The following CIDEC variants were observed in gnomAD, a reference collection of about 807,000 sequenced individuals.
CIDEC encodes the protein cell death inducing DFFA like effector c.
CIDEC carries 11 observed loss-of-function variants against 21.9 expected under a neutral mutation model. That is an observed-to-expected ratio of 0.50 (90% CI 0.32 to 0.83). The LOEUF (loss-of-function observed/expected upper bound fraction) is 0.83. CIDEC is among the 40% of genes least tolerant of loss of function. The pLI, the probability that CIDEC is intolerant of heterozygous loss-of-function variation, is 0.04. For synonymous variants in CIDEC, 127 were observed against 124.9 expected, an observed-to-expected ratio of 1.02 and a Z score of -0.11; for missense variants, 302 against 302.3, an observed-to-expected ratio of 1.00 and a Z score of 0.01.
chr3:9,869,069 T>A (rs1310654772), intron 6 of CIDEC, among the ~76,000 whole-genome samples: 1 of 152,046 alleles, frequency 6.6e-6, no homozygotes, highest in African/African-American at 2.4e-5. Context: ...GCTCAACAGA[T>A]CCTCCTGCCT....
chr3:9,867,113 A>G lies in CIDEC; in HGVS notation c.*21T>C, dbSNP rs749713681. ...CCCCAGTCAGTCCTTCACTGGGGAA[A>G]GCTTCCAAGGACTTGGGCTTTCACT... is the stretch of plus-strand genomic sequence containing the variant. On this transcript the variant is annotated 3_prime_UTR_variant, in exon 7 of 7. Transcript: ENST00000336832. 2.5e-6 allele frequency: 4 copies of G among 1,612,502 alleles called. No homozygotes were observed. The highest frequency in any genetic ancestry group is 1.7e-6 in the Non-Finnish European group (2 of 1,179,938).
At chr3:9,875,055 C>T (rs771324113) in intron 4 of CIDEC, among the ~76,000 whole-genome samples, 4 of 151,976 alleles carry the variant, frequency 2.6e-5, no homozygotes, top group Admixed American at 1.3e-4. Context: ...TTATCATATT[C>T]CTGCCAAAGA....
chr3:9,870,629 T>C (rs1023318272), intron 4 of CIDEC, among the ~76,000 whole-genome samples: 1 of 152,192 alleles, frequency 6.6e-6, no homozygotes, highest in African/African-American at 2.4e-5. Flanking sequence ...CACTACCTAA[T>C]AGTGCAGTGA....
intron 4 of CIDEC, among the ~76,000 whole-genome samples, chr3:9,871,173 A>AT (rs59917579): frequency 0.03 from 3,598 of 120,134 alleles, 206 homozygotes; most frequent in African/African-American, 0.095. Flanking sequence ...TCTATGTTTA[A>AT]TTTTTTTTTT....
chr3:9,878,006 CAAAGG>C, intron 3 of CIDEC: 1 of 186,366 alleles, frequency 5.4e-6, no homozygotes, highest in Non-Finnish European at 1.1e-5. Context: ...AATTTAGAAC[CAAAGG>C]AAAGGAAAGG....
Position 9,870,448 on chromosome 3 carries a change from T to C in CIDEC, c.208-126A>G, listed in dbSNP as rs771630434. ...CCCAGAGACTTTATCATGGTACCTC[T>C]TGGCTCCTGGCTTCAGGGTTCCTAG... On this transcript the variant is annotated intron_variant, in intron 4 of 6. Transcript: ENST00000336832. The C allele has an allele frequency of 3.9e-6, 6 of 1,558,292 alleles. No individual in the cohort carries two copies. The South Asian group carries it at 4.6e-5, about 12-fold the overall frequency.
rs1217828027 is a variant in CIDEC, at chr3:9,867,234, G to C, written c.617C>G (p.Ser206Cys). Residue 206 changes from serine to cysteine, a missense_variant, in exon 7 of 7, where the codon TCC (serine) becomes TGC (cysteine). By Grantham distance (112) the Ser-to-Cys change is moderately radical. Transcript: ENST00000336832. The stretch of plus-strand genomic sequence containing the variant: ...ATCGAGGAGCTGCTGCAGGTAACAG[G>C]AGGTGCCAAGCAGTACGTGGCCTGT... ...QATGHVLLGT[S>C]CYLQQLLDAT... The C allele has an allele frequency of 1.9e-6, 3 of 1,614,078 alleles. No homozygotes were observed. Among genetic ancestry groups the C allele is most frequent in the Non-Finnish European group, 2.5e-6 (3 of 1,180,048 alleles).
At chr3:9,880,077 G>A (rs1318422066) in intron 1 of CIDEC, 147 bp downstream of exon 1, 3 of 152,008 alleles carry the variant, frequency 2.0e-5, no homozygotes, top group African/African-American at 4.8e-5. Flanking sequence ...TCCTAGCTAC[G>A]TGGGAGGCTG....
intron 6 of CIDEC, among the ~76,000 whole-genome samples, chr3:9,868,445 T>G (rs1038083537): frequency 1.3e-5 from 2 of 152,198 alleles, no homozygotes; most frequent in Non-Finnish European, 2.9e-5. Context: ...TAATCCAGTC[T>G]TATTAGCTGG....
In CIDEC at chr3:9,869,998, A is replaced by G. The variant is rs756623916; in HGVS notation, c.438T>C (p.Asp146=). Reference sequence around the variant, plus strand: ...AGTCCTGTGGGTTCAGCTTGTACAGATCAAACGTTACACGGGCCACATCAA... The same window carrying G: ...AGTCCTGTGGGTTCAGCTTGTACAGGTCAAACGTTACACGGGCCACATCAA... The part of the protein sequence containing the change: ...KKIDVARVTF[D]LYKLNPQDFI... The change falls in exon 6 of 7, where the codon GAT becomes GAC. Residue 146 remains aspartate (D), a synonymous_variant. Coordinates refer to ENST00000336832, the MANE Select transcript of CIDEC (RefSeq NM_001321142.2). 15 of 1,614,054 alleles carry G rather than the reference A, an allele frequency of 9.3e-6. No individual in the cohort carries two copies. In the South Asian group the frequency reaches 1.5e-4, roughly 17 times the overall value.
At position 9,867,295 on chromosome 3, in the gene CIDEC, C is replaced by T; in HGVS notation, c.556G>A (p.Glu186Lys). Residue 186 changes from glutamate to lysine, a missense_variant and splice_region_variant, in exon 7 of 7, where the codon GAA becomes AAA. Coordinates refer to ENST00000336832, the MANE Select transcript of CIDEC (RefSeq NM_001321142.2). ...CTGAAGAGGGCCCAGCGGAAAGCTTCCCTGGGTGGAATGAGAGGGCACGCA... is the reference window on the plus strand; with the variant it reads ...CTGAAGAGGGCCCAGCGGAAAGCTTTCCTGGGTGGAATGAGAGGGCACGCA... ...HCCGAKRIMK[E>K]AFRWALFSMQ... 3.7e-6 allele frequency: 6 copies of T among 1,614,098 alleles called. No individual in the cohort carries two copies. Among genetic ancestry groups the T allele is most frequent in the Non-Finnish European group, 5.1e-6 (6 of 1,180,036 alleles).
chr3:9,874,921 C>T (rs899242567), intron 4 of CIDEC, among the ~76,000 whole-genome samples: 7 of 151,940 alleles, frequency 4.6e-5, no homozygotes, highest in South Asian at 4.2e-4. Context: ...TTTGTATAGA[C>T]GGGGTCTCAC....
chr3:9,879,965 G>A (rs1030249188), intron 1 of CIDEC, among the ~76,000 whole-genome samples: 1 of 152,132 alleles, frequency 6.6e-6, no homozygotes, highest in Non-Finnish European at 1.5e-5. Flanking sequence ...CTTGCCAGCT[G>A]GGGACAATCA....
chr3:9,869,857 C>G (rs2082321153), intron 6 of CIDEC, 25 bp downstream of exon 6: 1 of 1,609,192 alleles, frequency 6.2e-7, no homozygotes, highest in Non-Finnish European at 8.5e-7. Context: ...CCCACCCTGT[C>G]CCCAGGAAAT....
intron 4 of CIDEC, among the ~76,000 whole-genome samples, chr3:9,874,396 G>C (rs1559251208): frequency 1.3e-5 from 2 of 151,718 alleles, no homozygotes; most frequent in Non-Finnish European, 2.9e-5. Context: ...TGTACCTATA[G>C]TCCTAGCGAG....
chr3:9,878,767 A>G (rs1044601657), intron 2 of CIDEC, 175 bp downstream of exon 2: 4 of 1,535,952 alleles, frequency 2.6e-6, no homozygotes, highest in Non-Finnish European at 3.5e-6. Flanking sequence ...CTCCTGCCCC[A>G]GTCCCACTCA....
rs552650656 is a variant in CIDEC at position 9,874,631 on chromosome 3, G to C, written c.207+2435C>G. Among the ~76,000 whole-genome samples, 36 of 151,930 alleles carry C rather than the reference G, an allele frequency of 2.4e-4. No individual in the cohort carries two copies. The South Asian group carries it at 7.5e-3, about 32-fold the overall frequency. On this transcript the variant is annotated intron_variant, in intron 4 of 6. Transcript: ENST00000336832. ...CTGACCTAGAAAATAAATAACAGAG[G>C]GGAAAATGTTACATAGAGAAGCTTG...
At chr3:9,867,656 G>T (rs2082291366) in intron 6 of CIDEC, among the ~76,000 whole-genome samples, 1 of 150,526 alleles carries the variant, frequency 6.6e-6, no homozygotes, top group Admixed American at 6.6e-5. Context: ...GGCTGGGCTT[G>T]GTGGCTCATG....
Position 9,866,758 on chromosome 3 carries a change from G to T in CIDEC, c.*376C>A. On this transcript the variant is annotated 3_prime_UTR_variant, in exon 7 of 7. Transcript: ENST00000336832. ...GCAAACTCCCTAATATCACATGCTA[G>T]TGCGCTTGCGAATTCACTCAGGAAT... is the stretch of plus-strand genomic sequence containing the variant. 1.9e-6 allele frequency: 1 copy of T among 517,472 alleles called. No homozygotes were observed. Among genetic ancestry groups the T allele is most frequent in the Non-Finnish European group, 3.5e-6 (1 of 286,394 alleles). 32.1% of individuals were successfully genotyped at this position (517,472 alleles called of 1,614,324 possible).
Sources: allele counts gnomAD v4.1 joint callset (sites outside exome capture counted in the v4.1 genomes callset), GRCh38; gene constraint gnomAD v4.1.1; transcripts MANE v1.5; gene names NCBI Gene and HGNC (gene_info 2026-07-23, HGNC 2026-07-21).